Variants in RNF125 observed in about 807,000 individuals in gnomAD.
RNF125 encodes the protein E3 ubiquitin-protein ligase RNF125.
RNF125 carries 21 observed loss-of-function variants against 26.0 expected under a neutral mutation model. That is an observed-to-expected ratio of 0.81 (90% CI 0.57 to 1.16). RNF125 has a LOEUF of 1.16. Ranked by LOEUF, RNF125 falls within the 50% of genes most tolerant of loss-of-function variation. RNF125 has a pLI of 0.00. For missense variants in RNF125, 270 were observed against 299.4 expected (o/e 0.90, Z 0.72); for synonymous variants, 95 against 109.2 (o/e 0.87, Z 0.81).
the RNF125 span, among the ~76,000 whole-genome samples, chr18:32,078,527 C>G: frequency 2.6e-5 from 4 of 152,090 alleles, no homozygotes; most frequent in African/African-American, 7.2e-5. Flanking sequence ...GTAGTCCCAG[C>G]TACTTGGGAG....
At chr18:32,035,625 A>G (rs2039145114) in intron 1 of RNF125, among the ~76,000 whole-genome samples, 1 of 152,204 alleles carries the variant, frequency 6.6e-6, no homozygotes, top group Non-Finnish European at 1.5e-5. Context: ...TCTTTTGACC[A>G]TAATATTGAG....
chr18:32,037,193 CAGA>C lies in RNF125; in HGVS notation c.245_247del (p.Glu82del), dbSNP rs778211859. ...CCTTATTGCCGGGCATATCTTCCTT[CAGA>C]AGGAGTTCCAGCAACTGATGTAGCC... On this transcript the variant is annotated inframe_deletion, in exon 2 of 6. Coordinates refer to ENST00000217740, the MANE Select transcript of RNF125 (RefSeq NM_017831.4). The C allele has an allele frequency of 5.0e-6, 8 of 1,605,592 alleles. No homozygotes were observed. The highest frequency in any genetic ancestry group is 1.7e-5 in the Admixed American group (1 of 57,816).
rs112254491 is a variant in RNF125 at position 32,041,084 on chromosome 18, T to C, written c.319-1095T>C. On this transcript the variant is annotated intron_variant, in intron 2 of 5. Transcript: ENST00000217740. ...CTTGGGCAAAATGAAGCAGAGTGGG[T>C]CGGCCACCTTACCACAGCTGTACAG... Among the ~76,000 whole-genome samples the C allele has an allele frequency of 8.1e-3, 1,241 of 152,290 alleles. 12 individuals are homozygous for C. Among genetic ancestry groups the C allele is most frequent in the African/African-American group, 0.021 (854 of 41,552 alleles).
chr18:32,090,257 GA>G, the RNF125 span, among the ~76,000 whole-genome samples: 1 of 151,806 alleles, frequency 6.6e-6, no homozygotes, highest in Non-Finnish European at 1.5e-5. Flanking sequence ...AAAGAAAAAA[GA>G]AAAAAAGTGA....
intron 2 of RNF125, among the ~76,000 whole-genome samples, chr18:32,041,557 A>G (rs900387021): frequency 1.3e-5 from 2 of 148,986 alleles, no homozygotes; most frequent in Non-Finnish European, 3.0e-5. Flanking sequence ...TGTTTATGTA[A>G]TGGCATGCAA....
intron 4 of RNF125, among the ~76,000 whole-genome samples, chr18:32,056,402 A>C (rs1598823154): frequency 6.6e-6 from 1 of 152,222 alleles, no homozygotes; most frequent in East Asian, 1.9e-4. Context: ...ACCTGAGGTC[A>C]GGAGTTCGAG....
chr18:32,079,686 G>C, the RNF125 span, among the ~76,000 whole-genome samples: 1 of 152,204 alleles, frequency 6.6e-6, no homozygotes, highest in African/African-American at 2.4e-5. Context: ...AATGAATAAT[G>C]TCTTCAAGCC....
chr18:32,037,332 T>A, intron 2 of RNF125, 63 bp downstream of exon 2: 1 of 992,204 alleles, frequency 1.0e-6, no homozygotes, highest in African/African-American at 1.7e-5. Flanking sequence ...AAGTTATCAT[T>A]TCACCTCTGC....
rs1450760562 is a variant in RNF125, at chr18:32,069,577, T to C, written c.*1193T>C. On this transcript the variant is annotated 3_prime_UTR_variant, in exon 6 of 6. Coordinates refer to ENST00000217740, the MANE Select transcript of RNF125 (RefSeq NM_017831.4). Reference sequence around the variant, plus strand: ...AAATACTCTTTTAGGACTCAGCCAGTCACCCCACGTGTCCTTTTTGTGTCC... The same window carrying C: ...AAATACTCTTTTAGGACTCAGCCAGCCACCCCACGTGTCCTTTTTGTGTCC... 2.0e-5 allele frequency: 3 copies of C among 152,174 alleles called. No individual in the cohort carries two copies. Among genetic ancestry groups the C allele is most frequent in the Non-Finnish European group, 4.4e-5 (3 of 68,028 alleles). 9.4% of individuals were successfully genotyped at this position (152,174 alleles called of 1,614,324 possible).
intron 1 of RNF125, among the ~76,000 whole-genome samples, chr18:32,023,258 C>G (rs1399255015): frequency 1.3e-5 from 2 of 152,148 alleles, no homozygotes; most frequent in Non-Finnish European, 2.9e-5. Context: ...GTTCAAGTGA[C>G]TGTCCCGCCT....
intron 4 of RNF125, among the ~76,000 whole-genome samples, chr18:32,056,219 C>G (rs2039381331): frequency 1.3e-5 from 2 of 151,870 alleles, no homozygotes; most frequent in Admixed American, 1.3e-4. Context: ...CGTAGACTTT[C>G]TGTAAAGTGA....
downstream of RNF125, among the ~76,000 whole-genome samples, chr18:32,077,660 C>T (rs778566487): frequency 2.6e-5 from 4 of 151,796 alleles, no homozygotes; most frequent in South Asian, 4.2e-4. Context: ...CTCGCCGGGC[C>T]GTAAAACCCC....
downstream of RNF125, among the ~76,000 whole-genome samples, chr18:32,076,538 TGG>T (rs889149804): frequency 4.6e-5 from 7 of 152,146 alleles, no homozygotes; most frequent in African/African-American, 1.7e-4. Flanking sequence ...GTTGGTCTCT[TGG>T]ACTCCAGCCA....
chr18:32,058,108 G>A (rs1474820504), intron 4 of RNF125, among the ~76,000 whole-genome samples: 1 of 148,510 alleles, frequency 6.7e-6, no homozygotes, highest in Non-Finnish European at 1.5e-5. Flanking sequence ...CTCCAGCCTG[G>A]GTGACAGAGT....
chr18:32,038,387 C>T (rs2039182762), intron 2 of RNF125, among the ~76,000 whole-genome samples: 1 of 152,098 alleles, frequency 6.6e-6, no homozygotes, highest in South Asian at 2.1e-4. Context: ...CTGCAGAAAA[C>T]CCTGAACTTC....
At chr18:32,083,804 G>C in the RNF125 span, among the ~76,000 whole-genome samples, 1 of 152,022 alleles carries the variant, frequency 6.6e-6, no homozygotes. Flanking sequence ...TCAGGAGGCA[G>C]AGGCAGGAGG....
chr18:32,050,843 G>C lies in RNF125; in HGVS notation c.504+5111G>C, dbSNP rs143584935. On this transcript the variant is annotated intron_variant, in intron 4 of 5. Transcript: ENST00000217740. ...GTTTTAGCAAGAACCTTGCCCTCCA[G>C]CTAGTCTCTCGGTCTAGAGTGCTTT... 1.9e-3 allele frequency among the ~76,000 whole-genome samples: 223 copies of C among 120,384 alleles called. 1 individual carries two copies. Among genetic ancestry groups the C allele is most frequent in the African/African-American group, 6.6e-3 (191 of 28,772 alleles). 79.0% of individuals were successfully genotyped at this position (120,384 alleles called of 152,430 possible). A position where few individuals can be genotyped will look rare whatever the true frequency, so the allele number is the denominator to read the frequency against.
At chr18:32,075,080 G>A (rs1031213183), downstream of RNF125, among the ~76,000 whole-genome samples, 2 of 151,998 alleles carry the variant, frequency 1.3e-5, no homozygotes, top group South Asian at 4.1e-4. Flanking sequence ...ACACTTTCCT[G>A]GGCCCTCTCC....
At chr18:32,046,964 G>A (rs1047635506) in intron 4 of RNF125, among the ~76,000 whole-genome samples, 6 of 152,156 alleles carry the variant, frequency 3.9e-5, no homozygotes, top group Admixed American at 3.9e-4. Context: ...GACCTCCCAG[G>A]TTCAAGCGAT....
Sources: allele counts gnomAD v4.1 joint callset (sites outside exome capture counted in the v4.1 genomes callset), GRCh38; gene constraint gnomAD v4.1.1; transcripts MANE v1.5; gene names NCBI Gene and HGNC (gene_info 2026-07-23, HGNC 2026-07-21).